Variants in SPAG9 observed in about 807,000 individuals in gnomAD.
SPAG9 encodes the protein C-Jun-amino-terminal kinase-interacting protein 4.
SPAG9 carries 35 observed loss-of-function variants against 166.5 expected under a neutral mutation model. The observed-to-expected ratio is 0.21, with a 90% CI of 0.16 to 0.28. The LOEUF (loss-of-function observed/expected upper bound fraction) is 0.28. Ranked by LOEUF, SPAG9 falls within the 10% of genes least tolerant of loss-of-function variation. The probability of loss-of-function intolerance (pLI) is 1.00; values close to 1 mark genes in which losing one functional copy is unlikely to be tolerated. For missense variants in SPAG9, 1,235 were observed against 1,603.3 expected, an observed-to-expected ratio of 0.77 and a Z score of 3.92; for synonymous variants, 534 against 565.5, an observed-to-expected ratio of 0.94 and a Z score of 0.79.
At chr17:50,999,030 C>G (rs1347384230) in intron 14 of SPAG9, among the ~76,000 whole-genome samples, 1 of 152,206 alleles carries the variant, frequency 6.6e-6, no homozygotes, top group African/African-American at 2.4e-5. Flanking sequence ...GTTCTAAAAA[C>G]AGCTTATTAT....
chr17:51,095,245 G>A lies in SPAG9; in HGVS notation c.304-15541C>T, dbSNP rs34946577. On this transcript the variant is annotated intron_variant, in intron 1 of 29. Coordinates refer to ENST00000262013, the MANE Select transcript of SPAG9 (RefSeq NM_001130528.3). ...CAGGAGATGGAGCTTGCAATGAGCC[G>A]AGAACTCGCCACTGCACTCCAGCCT... 7.2e-3 allele frequency among the ~76,000 whole-genome samples: 1,040 copies of A among 144,580 alleles called. 4 individuals carry two copies. The highest frequency in any genetic ancestry group is 0.019 in the African/African-American group (730 of 38,464). 94.9% of individuals were successfully genotyped at this position (144,580 alleles called of 152,430 possible).
rs751414106 is a variant in SPAG9, at chr17:50,989,853, A to C, written c.2637T>G (p.Ser879Arg). 6.2e-7 allele frequency: 1 copy of C among 1,613,832 alleles called. No homozygotes were observed. Among genetic ancestry groups the C allele is most frequent in the African/African-American group, 1.3e-5 (1 of 74,846 alleles). Residue 879 changes from serine (S) to arginine (R), a missense_variant, in exon 21 of 30, where the codon AGT becomes AGG. This residue lies in a region of SPAG9 where 493 missense variants were observed against 559.4 expected (regional missense o/e 0.88). Transcript: ENST00000262013. ...CTGTTGGAACATTTTCATCAACCTC[A>C]CTATTTTCTGCTTCCATTTCTACAA... is the stretch of plus-strand genomic sequence containing the variant. ...DKPPEMEAENSEVDENVPTAE... is the reference protein window; with the variant it reads ...DKPPEMEAENREVDENVPTAE...
chr17:51,048,728 C>G lies in SPAG9; in HGVS notation c.496-1259G>C, dbSNP rs1016303762. Among the ~76,000 whole-genome samples, 8 of 152,076 alleles carry G rather than the reference C, an allele frequency of 5.3e-5. No homozygotes were observed. The South Asian group carries it at 1.5e-3, about 28-fold the overall frequency. ...TTAATTTTAAGATGTTATTTATCAT[C>G]AAATAAACAAAAAGCTGAACTCTGA... On this transcript the variant is annotated intron_variant, in intron 3 of 29. Coordinates refer to ENST00000262013, the MANE Select transcript of SPAG9 (RefSeq NM_001130528.3).
intron 6 of SPAG9, among the ~76,000 whole-genome samples, chr17:51,026,117 T>C (rs1396596777): frequency 1.3e-5 from 2 of 152,216 alleles, no homozygotes; most frequent in East Asian, 3.9e-4. Context: ...AGAGAAATTA[T>C]TTCTTCTTCC....
intron 3 of SPAG9, among the ~76,000 whole-genome samples, chr17:51,051,899 A>T (rs2047194632): frequency 1.3e-5 from 2 of 152,184 alleles, no homozygotes; most frequent in African/African-American, 2.4e-5. Flanking sequence ...CCCTGATGTG[A>T]GACTCTCCCA....
intron 29 of SPAG9, among the ~76,000 whole-genome samples, chr17:50,966,901 C>T (rs1321772507): frequency 6.6e-6 from 1 of 152,218 alleles, no homozygotes; most frequent in East Asian, 1.9e-4. Context: ...AATAATTAGC[C>T]TGCAGCACTG....
chr17:50,962,524 T>C lies in SPAG9; in HGVS notation c.*3748A>G, dbSNP rs1973181043. 6.6e-6 allele frequency: 1 copy of C among 152,220 alleles called. No individual in the cohort carries two copies. Among genetic ancestry groups the C allele is most frequent in the African/African-American group, 2.4e-5 (1 of 41,466 alleles). 9.4% of individuals were successfully genotyped at this position (152,220 alleles called of 1,614,324 possible). A position where few individuals can be genotyped will look rare whatever the true frequency, so the allele number is the denominator to read the frequency against. ...GTGTTACAGAATAGCATAACCCTGT[T>C]AGAAAAGCATTTATGATTTCCACAT... is the stretch of plus-strand genomic sequence containing the variant. On this transcript the variant is annotated 3_prime_UTR_variant, in exon 30 of 30. Transcript: ENST00000262013.
chr17:51,053,984 A>G (rs2047283510), intron 3 of SPAG9, among the ~76,000 whole-genome samples: 1 of 146,830 alleles, frequency 6.8e-6, no homozygotes. Flanking sequence ...AGGCACTGAG[A>G]TGAATGATGT....
chr17:51,048,200 T>TC (rs1391444424), intron 3 of SPAG9, among the ~76,000 whole-genome samples: 1 of 152,018 alleles, frequency 6.6e-6, no homozygotes. Flanking sequence ...GAATATAAAG[T>TC]ACATAAACTG....
At chr17:50,992,412 G>A (rs1159267043) in intron 19 of SPAG9, among the ~76,000 whole-genome samples, 1 of 152,100 alleles carries the variant, frequency 6.6e-6, no homozygotes, top group African/African-American at 2.4e-5. Flanking sequence ...TAAGAGGGCT[G>A]GGCATCCCAA....
chr17:50,991,347 A>C (rs1975531948), intron 19 of SPAG9, among the ~76,000 whole-genome samples: 1 of 152,140 alleles, frequency 6.6e-6, no homozygotes, highest in South Asian at 2.1e-4. Context: ...TTACTGTTAA[A>C]AATTAAATGC....
intron 2 of SPAG9, among the ~76,000 whole-genome samples, chr17:51,077,833 T>C (rs1598140604): frequency 6.6e-6 from 1 of 151,822 alleles, no homozygotes; most frequent in Admixed American, 6.6e-5. Context: ...GTATTTTTGG[T>C]AGAGACGGGG....
At chr17:51,053,879 AT>A (rs2047273895) in intron 3 of SPAG9, among the ~76,000 whole-genome samples, 1 of 106,462 alleles carries the variant, frequency 9.4e-6, no homozygotes, top group Non-Finnish European at 1.8e-5. Context: ...ATATATATAT[AT>A]ATATATATAT....
In SPAG9 at chr17:51,079,650, G is replaced by T; in HGVS notation, c.358C>A (p.Arg120=). 6.2e-7 allele frequency: 1 copy of T among 1,608,690 alleles called. No individual in the cohort carries two copies. ...QEQEKKDLQT[R]VESLESQTRQ... ...GTTTGAGATTCTAAAGATTCCACTC[G>T]GGTCTGTAAGTCCTTTTTTTCCTGT... Residue 120 remains arginine (R), a synonymous_variant, in exon 2 of 30, where the codon CGA becomes AGA. Coordinates refer to ENST00000262013, the MANE Select transcript of SPAG9 (RefSeq NM_001130528.3).
At chr17:51,003,357 T>C (rs1366600292) in intron 12 of SPAG9, among the ~76,000 whole-genome samples, 3 of 152,226 alleles carry the variant, frequency 2.0e-5, no homozygotes, top group African/African-American at 7.2e-5. Context: ...CACCTAAAAA[T>C]GTTGCTCTAC....
intron 1 of SPAG9, among the ~76,000 whole-genome samples, chr17:51,111,010 G>T (rs1436453326): frequency 1.3e-5 from 2 of 152,016 alleles, no homozygotes; most frequent in Admixed American, 1.3e-4. Flanking sequence ...CAGCTACACG[G>T]GAGGCTGAGG....
chr17:51,047,051 A>C, intron 4 of SPAG9: 1 of 501,164 alleles, frequency 2.0e-6, no homozygotes, highest in Non-Finnish European at 2.6e-6. Context: ...AAAGGACTTC[A>C]AACCAATTAC....
intron 21 of SPAG9, among the ~76,000 whole-genome samples, chr17:50,989,010 G>T (rs1975306180): frequency 1.3e-5 from 2 of 149,534 alleles, no homozygotes; most frequent in Non-Finnish European, 3.0e-5. Flanking sequence ...AAATGACAAA[G>T]AATTACTTAT....
intron 5 of SPAG9, among the ~76,000 whole-genome samples, chr17:51,033,292 C>A (rs1598045635): frequency 1.5e-5 from 2 of 134,632 alleles, no homozygotes; most frequent in South Asian, 2.3e-4. Flanking sequence ...GAAAGATTGT[C>A]AAGCTATGTC....
Sources: gnomAD v4.1 joint callset for allele counts (sites outside exome capture counted in the v4.1 genomes callset) on GRCh38, gnomAD v4.1.1 for gene constraint, gnomAD v4.1.1 regional missense constraint, MANE v1.5 for transcripts, NCBI Gene and HGNC (gene_info 2026-07-23, HGNC 2026-07-21) for gene names.